The following IQCM variants were observed in gnomAD, a reference collection of about 807,000 sequenced individuals.
IQCM encodes IQ domain-containing protein M.
IQCM carries 45 observed loss-of-function variants against 57.6 expected under a neutral mutation model. The observed-to-expected ratio is 0.78, with a 90% CI of 0.62 to 1.00. The LOEUF is 1.00. Among genes scored for constraint, IQCM ranks in the 50% least tolerant of loss-of-function variants. The pLI is 0.00. For missense variants in IQCM, 468 were observed against 511.6 expected (o/e 0.91, Z 0.82); for synonymous variants, 148 against 158.9 (o/e 0.93, Z 0.51).
At chr4:149,622,982 G>A (rs1035916644) in intron 7 of IQCM, among the ~76,000 whole-genome samples, 34 of 152,116 alleles carry the variant, frequency 2.2e-4, no homozygotes, top group African/African-American at 7.7e-4. Flanking sequence ...TTAGCAATGC[G>A]AATAAGGTAG....
At chr4:149,780,061 C>T (rs1049400945) in intron 2 of IQCM, among the ~76,000 whole-genome samples, 3 of 152,002 alleles carry the variant, frequency 2.0e-5, no homozygotes, top group African/African-American at 7.2e-5. Flanking sequence ...TTCTTAGCTT[C>T]AATGAGATAT....
At chr4:149,805,166 C>T (rs1375601801) in intron 2 of IQCM, among the ~76,000 whole-genome samples, 1 of 152,034 alleles carries the variant, frequency 6.6e-6, no homozygotes, top group Non-Finnish European at 1.5e-5. Context: ...AAATTTTAAT[C>T]TGCTCTTGAG....
intron 8 of IQCM, among the ~76,000 whole-genome samples, chr4:149,611,362 T>C (rs1755269684): frequency 6.6e-6 from 1 of 152,240 alleles, no homozygotes; most frequent in South Asian, 2.1e-4. Context: ...GAAATCAGTA[T>C]GTCAAAGACG....
At chr4:149,595,589 C>T (rs1402369599) in intron 8 of IQCM, among the ~76,000 whole-genome samples, 1 of 152,114 alleles carries the variant, frequency 6.6e-6, no homozygotes, top group Non-Finnish European at 1.5e-5. Flanking sequence ...TCCCTAGCGC[C>T]TTCTGTGAAA....
chr4:149,767,979 G>A (rs918538835), intron 2 of IQCM, among the ~76,000 whole-genome samples: 1 of 151,898 alleles, frequency 6.6e-6, no homozygotes, highest in African/African-American at 2.4e-5. Context: ...AACTTACATA[G>A]CTGGCCTAAT....
chr4:149,410,617 G>C (rs985725915), intron 13 of IQCM, among the ~76,000 whole-genome samples: 2 of 151,760 alleles, frequency 1.3e-5, no homozygotes, highest in Non-Finnish European at 2.9e-5. Context: ...ATTAACAGTA[G>C]CATTCACATT....
At chr4:149,737,322 G>A (rs1314706473) in intron 3 of IQCM, among the ~76,000 whole-genome samples, 1 of 152,096 alleles carries the variant, frequency 6.6e-6, no homozygotes, top group Non-Finnish European at 1.5e-5. Flanking sequence ...GCATTTCATT[G>A]TATGTACATT....
At chr4:149,545,946 C>A (rs939601147) in intron 12 of IQCM, among the ~76,000 whole-genome samples, 1 of 152,052 alleles carries the variant, frequency 6.6e-6, no homozygotes, top group Non-Finnish European at 1.5e-5. Flanking sequence ...TTAGGTATAT[C>A]TCCTAATGCT....
chr4:149,724,142 G>T (rs987866311), intron 5 of IQCM, among the ~76,000 whole-genome samples: 7 of 151,850 alleles, frequency 4.6e-5, no homozygotes, highest in Non-Finnish European at 1.0e-4. Context: ...TTAAATAAGG[G>T]ACTTGAGCAT....
intron 7 of IQCM, among the ~76,000 whole-genome samples, chr4:149,652,306 G>A (rs1013117618): frequency 2.0e-5 from 3 of 152,034 alleles, no homozygotes. Flanking sequence ...AGGGGTGGAG[G>A]GAAGGGGAGG....
At chr4:149,552,858 T>C (rs927358446) in intron 11 of IQCM, among the ~76,000 whole-genome samples, 2 of 152,220 alleles carry the variant, frequency 1.3e-5, no homozygotes, top group Non-Finnish European at 2.9e-5. Context: ...TCTGAAGCAG[T>C]TGTGTTTCAT....
intron 13 of IQCM, among the ~76,000 whole-genome samples, chr4:149,397,130 C>T (rs778092918): frequency 1.6e-4 from 25 of 151,752 alleles, no homozygotes; most frequent in Non-Finnish European, 2.8e-4. Flanking sequence ...TGCCATTTTC[C>T]ATGGTGTCTA....
chr4:149,508,708 C>T (rs1396263710), intron 12 of IQCM, among the ~76,000 whole-genome samples: 3 of 152,096 alleles, frequency 2.0e-5, no homozygotes, highest in Non-Finnish European at 4.4e-5. Flanking sequence ...TGAGTTAATG[C>T]TGAAATGAGT....
At chr4:149,586,903 A>G (rs112570468) in intron 9 of IQCM, among the ~76,000 whole-genome samples, 18 of 151,820 alleles carry the variant, frequency 1.2e-4, no homozygotes, top group African/African-American at 4.3e-4. Flanking sequence ...TTTTCTTTCT[A>G]TGTAAACAGA....
chr4:149,709,405 C>A (rs1764393519), intron 5 of IQCM, among the ~76,000 whole-genome samples: 1 of 152,096 alleles, frequency 6.6e-6, no homozygotes, highest in African/African-American at 2.4e-5. Context: ...TACCCTGATA[C>A]AGGATCATCT....
chr4:149,681,562 A>G (rs1469199698), intron 7 of IQCM, among the ~76,000 whole-genome samples: 2 of 151,216 alleles, frequency 1.3e-5, no homozygotes, highest in African/African-American at 2.4e-5. Flanking sequence ...AACCCAAGGA[A>G]GAGTTTATTC....
chr4:149,380,420 T>C (rs1264288782), intron 13 of IQCM, among the ~76,000 whole-genome samples: 1 of 152,110 alleles, frequency 6.6e-6, no homozygotes, highest in East Asian at 1.9e-4. Flanking sequence ...TGGCAATATG[T>C]GACATCAAGG....
intron 2 of IQCM, among the ~76,000 whole-genome samples, chr4:149,791,802 T>A (rs1482945814): frequency 6.6e-6 from 1 of 152,120 alleles, no homozygotes; most frequent in Non-Finnish European, 1.5e-5. Context: ...AGCTTCAGAA[T>A]CCCGTATGAT....
Position 149,395,688 on chromosome 4 carries a change from G to A in IQCM, c.1390+37708C>T, listed in dbSNP as rs911427619. ...TATTCTAAGTAGCTCACTTCGATTA[G>A]CTACAACCATTTCTATCAGGAGACA... is the stretch of plus-strand genomic sequence containing the variant. On this transcript the variant is annotated intron_variant, in intron 13 of 13. Coordinates refer to ENST00000636793, the MANE Select transcript of IQCM (RefSeq NM_001363507.2). 2.6e-5 allele frequency among the ~76,000 whole-genome samples: 4 copies of A among 151,932 alleles called. No individual in the cohort carries two copies. In the East Asian group the frequency reaches 7.8e-4, roughly 30 times the overall value.
Sources: allele counts gnomAD v4.1 joint callset (sites outside exome capture counted in the v4.1 genomes callset), GRCh38; gene constraint gnomAD v4.1.1; transcripts MANE v1.5; gene names NCBI Gene and HGNC (gene_info 2026-07-23, HGNC 2026-07-21).